The following MAB21L4 variants were observed in gnomAD, a reference collection of about 807,000 sequenced individuals.
MAB21L4 encodes the protein mab-21 like 4.
Under a neutral mutation model 32.4 loss-of-function variants are expected in MAB21L4, and 25 were observed. The observed-to-expected ratio is 0.77, with a 90% CI of 0.56 to 1.08. The LOEUF (loss-of-function observed/expected upper bound fraction) is 1.08, where lower values mean the gene tolerates loss of function less well. Ranked by LOEUF, MAB21L4 falls within the 50% of genes least tolerant of loss-of-function variation. The pLI, the probability that MAB21L4 is intolerant of heterozygous loss-of-function variation, is 0.00. For missense variants in MAB21L4, 638 were observed against 611.0 expected (o/e 1.04, Z -0.47); for synonymous variants, 280 against 276.8 (o/e 1.01, Z -0.11).
chr2:240,890,293 A>C, intron 2 of MAB21L4, 135 bp from the exon 3 acceptor site: 3 of 1,091,062 alleles, frequency 2.7e-6, no homozygotes, highest in South Asian at 1.9e-5. Context: ...CCCAGCCGGA[A>C]CCCAGGCTTC....
At chr2:240,889,007 A>C (rs1553650982) in intron 3 of MAB21L4, among the ~76,000 whole-genome samples, 1 of 110,454 alleles carries the variant, frequency 9.1e-6, no homozygotes, top group Non-Finnish European at 2.3e-5. Flanking sequence ...GCTCCTACTC[A>C]CCCCCTGCAG....
At position 240,891,709 on chromosome 2, in the gene MAB21L4, A is replaced by T. The variant is rs1399429376; in HGVS notation, c.569T>A (p.Val190Glu). 6.2e-6 allele frequency: 10 copies of T among 1,609,912 alleles called. No homozygotes were observed. Among genetic ancestry groups the T allele is most frequent in the Non-Finnish European group, 7.6e-6 (9 of 1,179,946 alleles). Residue 190 changes from valine to glutamate, a missense_variant, in exon 2 of 5, where the codon GTG becomes GAG. Physicochemically the swap from Val to Glu is moderately radical, Grantham distance 121 (BLOSUM62 -2). Coordinates refer to ENST00000388934, the MANE Select transcript of MAB21L4 (RefSeq NM_001085437.3). ...GCTGATTGTTCTCCAGCCGCTGGACACCAGCAAGGACAGGTGGAGCTGCTC... is the reference window on the plus strand; with the variant it reads ...GCTGATTGTTCTCCAGCCGCTGGACTCCAGCAAGGACAGGTGGAGCTGCTC... ...REEQLHLSLL[V>E]SSGWRTISFH... is the part of the protein sequence containing the mutation.
intron 4 of MAB21L4, 121 bp downstream of exon 4, chr2:240,888,171 C>T: frequency 1.3e-6 from 1 of 798,748 alleles, no homozygotes; most frequent in Non-Finnish European, 1.9e-6. Flanking sequence ...GAGCCCTGAC[C>T]TGGCCTCAGC....
chr2:240,888,826 C>T (rs760262096), intron 3 of MAB21L4, among the ~76,000 whole-genome samples, 178 bp from the exon 4 acceptor site: 36 of 152,028 alleles, frequency 2.4e-4, no homozygotes, highest in Non-Finnish European at 5.0e-4. Context: ...CACCCGCTGC[C>T]CCCAGCCTGC....
intron 1 of MAB21L4, 65 bp from the exon 2 acceptor site, chr2:240,891,828 C>T: frequency 1.3e-6 from 2 of 1,599,586 alleles, no homozygotes; most frequent in Non-Finnish European, 1.7e-6. Context: ...CTCCACAGCC[C>T]TCCTCCTGCT....
intron 1 of MAB21L4, among the ~76,000 whole-genome samples, chr2:240,894,781 G>A (rs1226408353): frequency 1.4e-5 from 2 of 142,992 alleles, no homozygotes; most frequent in Non-Finnish European, 3.1e-5. Context: ...CTGGGTGACA[G>A]AGTGAGACTC....
In MAB21L4 at chr2:240,887,177, G is replaced by A. The variant is rs1254762217; in HGVS notation, c.1252-15C>T. ...AAGACCTGGAACTACAGGCAGGGTT[G>A]CAGGGGAGAAGGGTTACAGGGACCC... On this transcript the variant is annotated splice_polypyrimidine_tract_variant and intron_variant, in intron 4 of 4. Coordinates refer to ENST00000388934, the MANE Select transcript of MAB21L4 (RefSeq NM_001085437.3). 1 of 1,608,390 alleles carries A rather than the reference G, an allele frequency of 6.2e-7. No homozygotes were observed. The highest frequency in any genetic ancestry group is 8.5e-7 in the Non-Finnish European group (1 of 1,174,842).
At chr2:240,892,580 G>A (rs2059159539) in intron 1 of MAB21L4, among the ~76,000 whole-genome samples, 2 of 152,010 alleles carry the variant, frequency 1.3e-5, no homozygotes, top group Non-Finnish European at 2.9e-5. Flanking sequence ...CCGTTTCTGG[G>A]CTGCCCAGGC....
chr2:240,889,839 C>T (rs781072391), intron 3 of MAB21L4, among the ~76,000 whole-genome samples, 166 bp downstream of exon 3: 1 of 152,244 alleles, frequency 6.6e-6, no homozygotes, highest in Non-Finnish European at 1.5e-5. Flanking sequence ...TCAGGAGCCA[C>T]GGCCTCACCT....
Position 240,895,883 on chromosome 2 carries a change from C to T in MAB21L4, c.115G>A (p.Ala39Thr), listed in dbSNP as rs200707608. 1,089 of 1,540,402 alleles carry T rather than the reference C, an allele frequency of 7.1e-4. 6 individuals are homozygous for T. In the African/African-American group the frequency reaches 0.012, roughly 18 times the overall value. Residue 39 changes from alanine to threonine, a missense_variant, in exon 1 of 5, where the codon GCA (alanine) becomes ACA (threonine). Ala to Thr is a moderately conservative substitution (Grantham distance 58). Transcript: ENST00000388934. Reference protein sequence around the residue: ...EAPRAQDFQRAENVLLTVLER... With the variant: ...EAPRAQDFQRTENVLLTVLER... Reference sequence around the variant, plus strand: ...AGCACCGTGAGCAGCACGTTCTCTGCGCGCTGGAAGTCCTGGGCACGCGGC... The same window carrying T: ...AGCACCGTGAGCAGCACGTTCTCTGTGCGCTGGAAGTCCTGGGCACGCGGC...
At chr2:240,891,148 A>G (rs944827652) in intron 2 of MAB21L4, among the ~76,000 whole-genome samples, 1 of 152,102 alleles carries the variant, frequency 6.6e-6, no homozygotes, top group Non-Finnish European at 1.5e-5. Flanking sequence ...ACAGACATCA[A>G]TGTGGACGCA....
chr2:240,890,137 G>A lies in MAB21L4; in HGVS notation c.762C>T (p.Leu254=). ...QLWRTSTDYL[L]TRLLGELGSL... is the part of the protein sequence containing the mutation. ...AGCCCAGCTCCCCCAGCAGCCTCGT[G>A]AGCAGGTAGTCAGTGGAGGTCCTGG... The change falls in exon 3 of 5, where the codon CTC becomes CTT. Residue 254 remains leucine (L), a synonymous_variant. Coordinates refer to ENST00000388934, the MANE Select transcript of MAB21L4 (RefSeq NM_001085437.3). 6.2e-7 allele frequency: 1 copy of A among 1,609,696 alleles called. No individual in the cohort carries two copies. The highest frequency in any genetic ancestry group is 8.5e-7 in the Non-Finnish European group (1 of 1,177,372).
rs1184218213 is a variant in MAB21L4, at chr2:240,887,054, G to A, written c.*16C>T. On this transcript the variant is annotated 3_prime_UTR_variant, in exon 5 of 5. Coordinates refer to ENST00000388934, the MANE Select transcript of MAB21L4 (RefSeq NM_001085437.3). ...TGGGGAGCCAAGAACAGGTGGCTGA[G>A]ACCAGGTGGCCCAGCTCAGCTCTCC... The A allele has an allele frequency of 6.2e-7, 1 of 1,606,958 alleles. No homozygotes were observed. Among genetic ancestry groups the A allele is most frequent in the East Asian group, 2.2e-5 (1 of 44,850 alleles).
intron 1 of MAB21L4, among the ~76,000 whole-genome samples, chr2:240,893,356 C>T (rs12105667): frequency 0.54 from 82,136 of 152,150 alleles, 23,348 homozygotes; most frequent in African/African-American, 0.73. Context: ...GCTGCCTGGG[C>T]GGCCCATCCC....
In MAB21L4 at chr2:240,888,986, C is replaced by T. The variant is rs537216648; in HGVS notation, c.895-338G>A. 5.8e-4 allele frequency among the ~76,000 whole-genome samples: 88 copies of T among 150,678 alleles called. 1 individual carries two copies. The highest frequency in any genetic ancestry group is 2.0e-3 in the African/African-American group (84 of 41,424). On this transcript the variant is annotated intron_variant, in intron 3 of 4. Transcript: ENST00000388934. ...CTCTGGGCCTTTCTCTCCTTCCCTC[C>T]GCCCCTTTGAGCTCCTACTCACCCC...
intron 4 of MAB21L4, 77 bp downstream of exon 4, chr2:240,888,215 C>G: frequency 8.4e-7 from 1 of 1,191,470 alleles, no homozygotes; most frequent in Non-Finnish European, 1.1e-6. Context: ...AGAGAATGGG[C>G]AGGGAGCCAG....
At position 240,895,576 on chromosome 2, in the gene MAB21L4, C is replaced by G; in HGVS notation, c.422G>C (p.Gly141Ala). The part of the protein sequence containing the change: ...ASSEGDAKCR[G>A]HIVPSKVLCV... ...CAGGACCTTGCTGGGCACAATGTGTCCACGGCACTTGGCGTCACCCTCCGA... is the reference window on the plus strand; with the variant it reads ...CAGGACCTTGCTGGGCACAATGTGTGCACGGCACTTGGCGTCACCCTCCGA... Residue 141 changes from glycine (G) to alanine (A), a missense_variant, in exon 1 of 5, where the codon GGA becomes GCA. By Grantham distance (60) the Gly-to-Ala change is moderately conservative (BLOSUM62 0). Coordinates refer to ENST00000388934, the MANE Select transcript of MAB21L4 (RefSeq NM_001085437.3). 6.2e-7 allele frequency: 1 copy of G among 1,612,434 alleles called. No homozygotes were observed. Among genetic ancestry groups the G allele is most frequent in the Non-Finnish European group, 8.5e-7 (1 of 1,179,804 alleles).
In MAB21L4 at chr2:240,890,021, G is replaced by A. The variant is rs770240127; in HGVS notation, c.878C>T (p.Thr293Ile). ...CCTGGGTACCTTCAGGTGGCCAAAG[G>A]TCAGGCCGTCAGTCTGGCCACTGTC... The part of the protein sequence containing the change: ...WRDSGQTDGL[T>I]FGHLKMVLLW... Residue 293 changes from threonine to isoleucine, a missense_variant, in exon 3 of 5, where the codon ACC becomes ATC. Coordinates refer to ENST00000388934, the MANE Select transcript of MAB21L4 (RefSeq NM_001085437.3). 6.2e-7 allele frequency: 1 copy of A among 1,611,696 alleles called. No homozygotes were observed. Among genetic ancestry groups the A allele is most frequent in the South Asian group, 1.1e-5 (1 of 90,922 alleles).
At chr2:240,891,029 G>C (rs562879467) in intron 2 of MAB21L4, among the ~76,000 whole-genome samples, 124 of 152,328 alleles carry the variant, frequency 8.1e-4, no homozygotes, top group African/African-American at 2.9e-3. Context: ...GAGCCACCCT[G>C]AGGGGCTGTT....
Sources: allele counts gnomAD v4.1 joint callset (sites outside exome capture counted in the v4.1 genomes callset), GRCh38; gene constraint gnomAD v4.1.1; transcripts MANE v1.5; gene names NCBI Gene and HGNC (gene_info 2026-07-23, HGNC 2026-07-21).